ATP6V1A: variants seen among roughly 807,000 people sequenced by gnomAD.
ATP6V1A encodes the protein V-type proton ATPase catalytic subunit A.
Under a neutral mutation model 70.1 loss-of-function variants are expected in ATP6V1A, and 18 were observed. The observed-to-expected ratio is 0.26, with a 90% CI of 0.18 to 0.38. ATP6V1A has a LOEUF of 0.38. ATP6V1A is among the 10% of genes least tolerant of loss of function. The pLI is 1.00. For synonymous variants in ATP6V1A, 232 were observed against 253.8 expected (o/e 0.91, Z 0.82); for missense variants, 424 against 772.4 (o/e 0.55, Z 5.35).
At chr3:113,783,799 A>C (rs572895053) in intron 3 of ATP6V1A, among the ~76,000 whole-genome samples, 1 of 152,348 alleles carries the variant, frequency 6.6e-6, no homozygotes, top group African/African-American at 2.4e-5. Flanking sequence ...TAAGCTACAA[A>C]AGCAGGTATC....
chr3:113,772,275 A>G (rs1708850381), intron 1 of ATP6V1A, among the ~76,000 whole-genome samples: 1 of 152,224 alleles, frequency 6.6e-6, no homozygotes, highest in African/African-American at 2.4e-5. Context: ...TTAGTTATTC[A>G]GTAATCACTA....
chr3:113,804,457 C>G (rs1181125520), intron 13 of ATP6V1A, among the ~76,000 whole-genome samples: 1 of 152,104 alleles, frequency 6.6e-6, no homozygotes, highest in Admixed American at 6.6e-5. Flanking sequence ...ATTATCAATG[C>G]TACTACTGAG....
At chr3:113,761,313 A>G (rs141443896) in intron 1 of ATP6V1A, among the ~76,000 whole-genome samples, 16 of 151,208 alleles carry the variant, frequency 1.1e-4, no homozygotes, top group African/African-American at 3.6e-4. Context: ...TGTTCCTTGT[A>G]TGTGTGTCAG....
chr3:113,809,598 A>G lies in ATP6V1A; in HGVS notation c.*171A>G. ...TTTTTGGTAGGTCTTATATAAAACA[A>G]ACATTCCTTTGTTCTAGTGTTGTGA... On this transcript the variant is annotated 3_prime_UTR_variant, in exon 15 of 15. Transcript: ENST00000273398. 1.8e-6 allele frequency: 1 copy of G among 541,332 alleles called. No homozygotes were observed. Among genetic ancestry groups the G allele is most frequent in the Non-Finnish European group, 3.3e-6 (1 of 299,504 alleles). 33.5% of individuals were successfully genotyped at this position (541,332 alleles called of 1,614,324 possible).
At chr3:113,747,984 T>C (rs1164875784) in intron 1 of ATP6V1A, among the ~76,000 whole-genome samples, 6 of 152,206 alleles carry the variant, frequency 3.9e-5, no homozygotes, top group African/African-American at 1.4e-4. Flanking sequence ...AGTCGAGATG[T>C]TGCTGTCTGC....
At position 113,809,567 on chromosome 3, in the gene ATP6V1A, C is replaced by T. The variant is rs1381186362; in HGVS notation, c.*140C>T. On this transcript the variant is annotated 3_prime_UTR_variant, in exon 15 of 15. Transcript: ENST00000273398. Reference sequence around the variant, plus strand: ...AGTGCCTATGTGTGTTATTTGTTTCCCTGTTTTTTTGGTAGGTCTTATATA... The same window carrying T: ...AGTGCCTATGTGTGTTATTTGTTTCTCTGTTTTTTTGGTAGGTCTTATATA... 6 of 714,552 alleles carry T rather than the reference C, an allele frequency of 8.4e-6. No individual in the cohort carries two copies. The highest frequency in any genetic ancestry group is 5.5e-5 in the African/African-American group (3 of 55,034). 44.3% of individuals were successfully genotyped at this position (714,552 alleles called of 1,614,324 possible).
At chr3:113,749,301 A>G (rs1708559260) in intron 1 of ATP6V1A, among the ~76,000 whole-genome samples, 1 of 149,240 alleles carries the variant, frequency 6.7e-6, no homozygotes, top group Non-Finnish European at 1.5e-5. Context: ...ACACACACAC[A>G]CACACGATTG....
At chr3:113,792,105 T>G (rs961461582) in intron 8 of ATP6V1A, among the ~76,000 whole-genome samples, 2 of 152,154 alleles carry the variant, frequency 1.3e-5, no homozygotes, top group Non-Finnish European at 2.9e-5. Context: ...GGAGGTAAGT[T>G]TTATGAGGAA....
chr3:113,778,640 C>G (rs1296954758), intron 1 of ATP6V1A, 101 bp from the exon 2 acceptor site: 3 of 557,498 alleles, frequency 5.4e-6, no homozygotes, highest in Non-Finnish European at 8.9e-6. Flanking sequence ...CAAGAATACA[C>G]CAAAGATGAG....
chr3:113,810,035 TA>T lies in ATP6V1A; in HGVS notation c.*609del, dbSNP rs1208250148. 1.3e-5 allele frequency: 2 copies of T among 152,014 alleles called. No homozygotes were observed. Among genetic ancestry groups the T allele is most frequent in the Admixed American group, 6.6e-5 (1 of 15,252 alleles). The allele number at this position is 152,014 out of a possible 1,614,324, so 9.4% of individuals were successfully genotyped here. ...CTATACTCTTTTTATTTTTATTTTTTATTTTTTTTATTATTTTTTTTTTGGG... is the reference window on the plus strand; with the variant it reads ...CTATACTCTTTTTATTTTTATTTTTTTTTTTTTTATTATTTTTTTTTTGGG... On this transcript the variant is annotated 3_prime_UTR_variant, in exon 15 of 15. Transcript: ENST00000273398.
chr3:113,806,720 G>A (rs938299800), intron 14 of ATP6V1A, among the ~76,000 whole-genome samples: 17 of 151,866 alleles, frequency 1.1e-4, no homozygotes, highest in Non-Finnish European at 1.9e-4. Flanking sequence ...TCGGCCTCCC[G>A]AAGTGCTGGG....
At chr3:113,757,196 G>A (rs1708655009) in intron 1 of ATP6V1A, among the ~76,000 whole-genome samples, 1 of 152,178 alleles carries the variant, frequency 6.6e-6, no homozygotes, top group African/African-American at 2.4e-5. Context: ...ATATGGCCCT[G>A]TAGTACCTGC....
intron 1 of ATP6V1A, among the ~76,000 whole-genome samples, chr3:113,753,693 C>CTTT (rs11375661): frequency 3.5e-5 from 5 of 141,092 alleles, no homozygotes; most frequent in East Asian, 2.1e-4. Context: ...TATCATGTGT[C>CTTT]TTTTTTTTTT....
chr3:113,762,369 G>A (rs1287683829), intron 1 of ATP6V1A, among the ~76,000 whole-genome samples: 1 of 152,122 alleles, frequency 6.6e-6, no homozygotes, highest in Non-Finnish European at 1.5e-5. Context: ...AGGAGTTCGA[G>A]ACAAGCCTGG....
chr3:113,810,392 T>G lies in ATP6V1A; in HGVS notation c.*965T>G, dbSNP rs901057657. 4 of 151,870 alleles carry G rather than the reference T, an allele frequency of 2.6e-5. No individual in the cohort carries two copies. The highest frequency in any genetic ancestry group is 9.7e-5 in the African/African-American group (4 of 41,320). The allele number at this position is 151,870 out of a possible 1,614,324, so 9.4% of individuals were successfully genotyped here. Reference sequence around the variant, plus strand: ...ACATTTGTGGGGCTCACACAATATATGAAATAGTACCCTCTAAAAAAGAGA... The same window carrying G: ...ACATTTGTGGGGCTCACACAATATAGGAAATAGTACCCTCTAAAAAAGAGA... On this transcript the variant is annotated 3_prime_UTR_variant, in exon 15 of 15. Coordinates refer to ENST00000273398, the MANE Select transcript of ATP6V1A (RefSeq NM_001690.4).
At chr3:113,794,809 G>T in intron 8 of ATP6V1A, 63 bp from the exon 9 acceptor site, 1 of 1,535,836 alleles carries the variant, frequency 6.5e-7, no homozygotes, top group South Asian at 1.3e-5. Flanking sequence ...TCTTAAGGGT[G>T]GAAAAAAACA....
chr3:113,753,770 A>C (rs1052298746), intron 1 of ATP6V1A, among the ~76,000 whole-genome samples: 4 of 146,766 alleles, frequency 2.7e-5, no homozygotes, highest in Non-Finnish European at 5.9e-5. Context: ...GTCTTGGCTC[A>C]CTGCAACTTC....
chr3:113,782,962 AT>A (rs1284993614), intron 3 of ATP6V1A, among the ~76,000 whole-genome samples: 1 of 152,154 alleles, frequency 6.6e-6, no homozygotes, highest in Non-Finnish European at 1.5e-5. Context: ...ATAAATAGAT[AT>A]GTGATAAATA....
intron 1 of ATP6V1A, among the ~76,000 whole-genome samples, chr3:113,754,100 T>A (rs1263840235): frequency 1.3e-5 from 2 of 152,230 alleles, no homozygotes; most frequent in Non-Finnish European, 2.9e-5. Context: ...TATATAAAAC[T>A]ACATGTTTGT....
Sources: gnomAD v4.1 joint callset for allele counts (sites outside exome capture counted in the v4.1 genomes callset) on GRCh38, gnomAD v4.1.1 for gene constraint, MANE v1.5 for transcripts, NCBI Gene and HGNC (gene_info 2026-07-23, HGNC 2026-07-21) for gene names.